SCYL2: variants seen among roughly 807,000 people sequenced by gnomAD.
SCYL2 encodes the protein SCY1-like protein 2.
Under a neutral mutation model 100.4 loss-of-function variants are expected in SCYL2, and 36 were observed. That is an observed-to-expected ratio of 0.36 (90% CI 0.27 to 0.47). The LOEUF (loss-of-function observed/expected upper bound fraction) is 0.47, where lower values mean the gene tolerates loss of function less well. Ranked by LOEUF, SCYL2 falls within the 20% of genes least tolerant of loss-of-function variation. The pLI is 1.00. For synonymous variants in SCYL2, 330 were observed against 359.2 expected (o/e 0.92, Z 0.92); for missense variants, 902 against 1,083.9 (o/e 0.83, Z 2.36).
chr12:100,311,657 C>T (rs7958482), intron 5 of SCYL2, among the ~76,000 whole-genome samples: 6,321 of 152,156 alleles, frequency 0.042, 475 homozygotes, highest in African/African-American at 0.14. Context: ...TAAGTAGGCT[C>T]AGAGAATAAA....
intron 5 of SCYL2, among the ~76,000 whole-genome samples, chr12:100,311,597 A>T (rs2096342264): frequency 6.6e-6 from 1 of 152,158 alleles, no homozygotes; most frequent in South Asian, 2.1e-4. Flanking sequence ...CTCTGTACTT[A>T]TTTAATCCTC....
At chr12:100,310,341 G>A (rs2096340745) in intron 4 of SCYL2, among the ~76,000 whole-genome samples, 1 of 152,188 alleles carries the variant, frequency 6.6e-6, no homozygotes, top group Non-Finnish European at 1.5e-5. Context: ...ATGGATGTGA[G>A]GTGAGAGCTC....
intron 4 of SCYL2, among the ~76,000 whole-genome samples, chr12:100,301,598 G>A (rs2096327740): frequency 6.6e-6 from 1 of 152,174 alleles, no homozygotes; most frequent in Non-Finnish European, 1.5e-5. Flanking sequence ...TGTAGCCATT[G>A]GTTGAAATGT....
rs7316039 is a variant in SCYL2 at position 100,267,440 on chromosome 12, G to A, written c.-381G>A. On this transcript the variant is annotated 5_prime_UTR_variant, in exon 1 of 18. Transcript: ENST00000360820. ...GCACCGACCGACCTCCCTCACCGGC[G>A]GCTCTCTCGCCTGGGCTCCCGGAGC... The A allele has an allele frequency of 5.6e-6, 1 of 177,268 alleles. No individual in the cohort carries two copies. The highest frequency in any genetic ancestry group is 6.3e-5 in the Admixed American group (1 of 15,974). The allele number at this position is 177,268 out of a possible 1,614,324, so 11.0% of individuals were successfully genotyped here.
At chr12:100,321,644 A>C (rs1360741453) in intron 10 of SCYL2, among the ~76,000 whole-genome samples, 8 of 152,196 alleles carry the variant, frequency 5.3e-5, no homozygotes, top group African/African-American at 1.9e-4. Flanking sequence ...TAACAAAAAA[A>C]AGAAATTAAA....
At chr12:100,313,657 C>T (rs965816529) in intron 7 of SCYL2, 119 bp downstream of exon 7, 1 of 601,098 alleles carries the variant, frequency 1.7e-6, no homozygotes, top group East Asian at 2.8e-5. Context: ...AGATTAAGTT[C>T]TTCTAAAGCA....
intron 13 of SCYL2, among the ~76,000 whole-genome samples, chr12:100,333,242 G>A (rs1206437925): frequency 6.6e-6 from 1 of 152,146 alleles, no homozygotes; most frequent in East Asian, 1.9e-4. Context: ...GCTGCTGATA[G>A]AGCATGGTGA....
At chr12:100,313,175 T>C (rs189805672) in intron 6 of SCYL2, among the ~76,000 whole-genome samples, 1 of 152,284 alleles carries the variant, frequency 6.6e-6, no homozygotes. Context: ...AGTTAAAATT[T>C]GTTACAGAAC....
At chr12:100,329,054 T>C (rs1952174435) in intron 12 of SCYL2, 147 bp from the exon 13 acceptor site, 4 of 539,864 alleles carry the variant, frequency 7.4e-6, no homozygotes, top group Admixed American at 5.8e-5. Flanking sequence ...CTGATTCATA[T>C]GTAAGAACAT....
intron 10 of SCYL2, among the ~76,000 whole-genome samples, chr12:100,323,119 T>C (rs2096358007): frequency 6.6e-6 from 1 of 152,164 alleles, no homozygotes; most frequent in African/African-American, 2.4e-5. Flanking sequence ...ATGTAACAGC[T>C]AAGAGAATTA....
Position 100,298,396 on chromosome 12 carries a change from G to T in SCYL2, c.480+221G>T, listed in dbSNP as rs1054813742. On this transcript the variant is annotated intron_variant, in intron 4 of 17. Coordinates refer to ENST00000360820, the MANE Select transcript of SCYL2 (RefSeq NM_017988.6). ...AACTGATAACATTGGTAACCTTTGG[G>T]GGGTCACTTATTGGCTAGTGGATGG... Among the ~76,000 whole-genome samples the T allele has an allele frequency of 2.0e-5, 3 of 152,130 alleles. No individual in the cohort carries two copies. The East Asian group carries it at 5.8e-4, about 29-fold the overall frequency.
chr12:100,315,790 C>A, intron 9 of SCYL2, 56 bp downstream of exon 9: 2 of 1,371,558 alleles, frequency 1.5e-6, no homozygotes, highest in Non-Finnish European at 2.0e-6. Context: ...TTGTGACTAT[C>A]ACTGAAAACA....
chr12:100,310,513 C>T (rs1289781593), intron 4 of SCYL2, among the ~76,000 whole-genome samples: 2 of 152,170 alleles, frequency 1.3e-5, no homozygotes, highest in African/African-American at 2.4e-5. Flanking sequence ...AGAAATCTAA[C>T]CTTTAGTTTT....
At chr12:100,298,834 G>T (rs1047552940) in intron 4 of SCYL2, among the ~76,000 whole-genome samples, 14 of 152,140 alleles carry the variant, frequency 9.2e-5, no homozygotes, top group African/African-American at 3.4e-4. Flanking sequence ...CACCCACCTC[G>T]GCCTCCCAAA....
At position 100,323,643 on chromosome 12, in the gene SCYL2, G is replaced by A. The variant is rs1218107430; in HGVS notation, c.1509+5G>A. ...CTACAAACATCTTCCCTTGCGGTAA[G>A]TAATTGCATATTAATTTTTGTTTTT... On this transcript the variant is annotated splice_donor_5th_base_variant and intron_variant, in intron 11 of 17. Transcript: ENST00000360820. 1 of 1,477,646 alleles carries A rather than the reference G, an allele frequency of 6.8e-7. No homozygotes were observed. The highest frequency in any genetic ancestry group is 1.2e-5 in the South Asian group (1 of 83,348). 91.5% of individuals were successfully genotyped at this position (1,477,646 alleles called of 1,614,324 possible).
intron 1 of SCYL2, among the ~76,000 whole-genome samples, chr12:100,269,171 A>G (rs1434216999): frequency 1.3e-5 from 2 of 152,112 alleles, no homozygotes; most frequent in South Asian, 2.1e-4. Flanking sequence ...AACATGCCCT[A>G]CAAGCCCTGC....
intron 1 of SCYL2, among the ~76,000 whole-genome samples, chr12:100,281,450 G>A (rs1464707164): frequency 6.6e-6 from 1 of 152,088 alleles, no homozygotes; most frequent in East Asian, 1.9e-4. Context: ...CAGCACTTTG[G>A]GAGACCAAGA....
At position 100,286,226 on chromosome 12, in the gene SCYL2, T is replaced by C. The variant is rs543690880; in HGVS notation, c.177+3079T>C. 4.6e-5 allele frequency among the ~76,000 whole-genome samples: 7 copies of C among 152,258 alleles called. No homozygotes were observed. The East Asian group carries it at 1.2e-3, about 25-fold the overall frequency. ...CAAATATCAAGCTAAGGGATTTATT[T>C]TGGGAGAGGATGTTTAAAAAAATGT... On this transcript the variant is annotated intron_variant, in intron 2 of 17. Coordinates refer to ENST00000360820, the MANE Select transcript of SCYL2 (RefSeq NM_017988.6).
intron 3 of SCYL2, among the ~76,000 whole-genome samples, chr12:100,295,095 T>C (rs1484526555): frequency 1.4e-5 from 2 of 140,740 alleles, no homozygotes; most frequent in Non-Finnish European, 3.0e-5. Flanking sequence ...ACATCTCAGA[T>C]GATGGGCGGC....
Sources: allele counts gnomAD v4.1 joint callset (sites outside exome capture counted in the v4.1 genomes callset), GRCh38; gene constraint gnomAD v4.1.1; transcripts MANE v1.5; gene names NCBI Gene and HGNC (gene_info 2026-07-23, HGNC 2026-07-21).